The following NTM variants were observed in gnomAD, a reference collection of about 807,000 sequenced individuals.
The protein encoded by NTM is IgLON family member 2.
NTM carries 13 observed loss-of-function variants against 42.1 expected under a neutral mutation model. That is an observed-to-expected ratio of 0.31 (90% CI 0.20 to 0.49). NTM has a LOEUF of 0.49. NTM is among the 20% of genes least tolerant of loss of function. The pLI, the probability that NTM is intolerant of heterozygous loss-of-function variation, is 0.99. For synonymous variants in NTM, 187 were observed against 179.2 expected, an observed-to-expected ratio of 1.04 and a Z score of -0.35; for missense variants, 373 against 452.8, an observed-to-expected ratio of 0.82 and a Z score of 1.60.
At chr11:132,171,026 T>C (rs2076040750) in intron 3 of NTM, among the ~76,000 whole-genome samples, 1 of 152,228 alleles carries the variant, frequency 6.6e-6, no homozygotes, top group Non-Finnish European at 1.5e-5. Context: ...CCAAAAGTTA[T>C]ACATTTTGGG....
intron 1 of NTM, among the ~76,000 whole-genome samples, chr11:131,744,208 A>G (rs1024979908): frequency 7.2e-5 from 11 of 152,232 alleles, no homozygotes; most frequent in African/African-American, 2.4e-4. Flanking sequence ...TAGTGTTTGT[A>G]AAGTACTTTA....
At chr11:131,611,588 T>C (rs935109373) in intron 1 of NTM, among the ~76,000 whole-genome samples, 1 of 152,148 alleles carries the variant, frequency 6.6e-6, no homozygotes, top group African/African-American at 2.4e-5. Flanking sequence ...ACAAAAGATT[T>C]TTAATTCAAA....
At chr11:132,316,937 C>T (rs1395459092) in intron 7 of NTM, among the ~76,000 whole-genome samples, 1 of 152,190 alleles carries the variant, frequency 6.6e-6, no homozygotes, top group South Asian at 2.1e-4. Context: ...GCAGCATGTA[C>T]TTTTTGCGAA....
chr11:131,598,604 C>G (rs1425013385), intron 1 of NTM, among the ~76,000 whole-genome samples: 1 of 152,194 alleles, frequency 6.6e-6, no homozygotes, highest in African/African-American at 2.4e-5. Flanking sequence ...ACTCCACCAC[C>G]TCAAAAGCTG....
intron 4 of NTM, among the ~76,000 whole-genome samples, chr11:132,256,796 C>T (rs1370288751): frequency 6.6e-6 from 1 of 152,158 alleles, no homozygotes; most frequent in Non-Finnish European, 1.5e-5. Flanking sequence ...CACATATGGC[C>T]CCAGCGATTC....
At chr11:132,276,371 G>A (rs923024736) in intron 4 of NTM, among the ~76,000 whole-genome samples, 7 of 152,044 alleles carry the variant, frequency 4.6e-5, no homozygotes, top group Non-Finnish European at 1.0e-4. Context: ...CGGGATTCTT[G>A]GATCATAAAA....
intron 1 of NTM, among the ~76,000 whole-genome samples, chr11:131,832,885 AT>A (rs1252969001): frequency 2.6e-5 from 4 of 152,246 alleles, no homozygotes; most frequent in African/African-American, 9.6e-5. Flanking sequence ...TGATAAGCTA[AT>A]TTTAAAATAT....
intron 2 of NTM, among the ~76,000 whole-genome samples, chr11:132,059,480 C>A (rs2080264389): frequency 1.3e-5 from 2 of 152,188 alleles, no homozygotes; most frequent in Admixed American, 1.3e-4. Context: ...TTGACACATT[C>A]TTTGTATTTT....
chr11:132,146,604 G>A lies in NTM; in HGVS notation c.400+90G>A. On this transcript the variant is annotated intron_variant, in intron 3 of 8. Coordinates refer to ENST00000683400, the MANE Select transcript of NTM (RefSeq NM_001352005.2). This position sits in a 1 kb window ranked among gnomAD's most constrained non-coding sequence, Gnocchi z 4.5. Reference sequence around the variant, plus strand: ...TTGTTCTCTGATCCTCAACAGAGATGAGTTATCCTTATTCTACGCATCTGG... The same window carrying A: ...TTGTTCTCTGATCCTCAACAGAGATAAGTTATCCTTATTCTACGCATCTGG... 1.5e-6 allele frequency: 2 copies of A among 1,349,572 alleles called. No individual in the cohort carries two copies. Among genetic ancestry groups the A allele is most frequent in the Non-Finnish European group, 2.0e-6 (2 of 980,400 alleles). The allele number at this position is 1,349,572 out of a possible 1,614,324, so 83.6% of individuals were successfully genotyped here.
At chr11:131,710,259 C>G (rs1284184193) in intron 1 of NTM, among the ~76,000 whole-genome samples, 1 of 152,190 alleles carries the variant, frequency 6.6e-6, no homozygotes, top group Non-Finnish European at 1.5e-5. Flanking sequence ...TACAAATATT[C>G]TACAATTTCT....
At chr11:132,064,728 A>G (rs1171953630) in intron 2 of NTM, among the ~76,000 whole-genome samples, 1 of 152,162 alleles carries the variant, frequency 6.6e-6, no homozygotes, top group Non-Finnish European at 1.5e-5. Flanking sequence ...TTTGAACCCC[A>G]TGGTTCCAGT....
At chr11:131,397,604 A>G (rs542643089) in intron 1 of NTM, among the ~76,000 whole-genome samples, 1 of 152,324 alleles carries the variant, frequency 6.6e-6, no homozygotes, top group South Asian at 2.1e-4. Flanking sequence ...GTGTCCTATC[A>G]GTTCTCCTGT....
At chr11:131,952,351 A>T (rs2061098366) in intron 2 of NTM, among the ~76,000 whole-genome samples, 1 of 152,214 alleles carries the variant, frequency 6.6e-6, no homozygotes, top group African/African-American at 2.4e-5. Flanking sequence ...ATAGTCATCT[A>T]AATACTTCCT....
intron 1 of NTM, among the ~76,000 whole-genome samples, chr11:131,710,238 T>G (rs2076982697): frequency 6.6e-6 from 1 of 152,214 alleles, no homozygotes; most frequent in Non-Finnish European, 1.5e-5. Flanking sequence ...CCTAGATCAC[T>G]CTTGTCAGCG....
chr11:132,145,004 G>A (rs2070063776), intron 2 of NTM, among the ~76,000 whole-genome samples: 1 of 152,202 alleles, frequency 6.6e-6, no homozygotes, highest in African/African-American at 2.4e-5. Context: ...GAAGAAGCAG[G>A]TGTGTATAGT....
intron 1 of NTM, among the ~76,000 whole-genome samples, chr11:131,845,062 A>C (rs1420794882): frequency 5.9e-5 from 9 of 152,176 alleles, no homozygotes; most frequent in Non-Finnish European, 1.0e-4. Context: ...TATTTTGACT[A>C]TTAAATAGGA....
chr11:132,057,095 A>T (rs2079814468), intron 2 of NTM, among the ~76,000 whole-genome samples: 1 of 152,248 alleles, frequency 6.6e-6, no homozygotes, highest in Admixed American at 6.5e-5. Flanking sequence ...TGAGGCAAAG[A>T]TGGAAATCAT....
At chr11:132,232,222 G>C (rs906784927) in intron 4 of NTM, among the ~76,000 whole-genome samples, 1 of 152,020 alleles carries the variant, frequency 6.6e-6, no homozygotes. Context: ...AAGGAAAGGA[G>C]GTGCTTGCCA....
intron 1 of NTM, among the ~76,000 whole-genome samples, chr11:131,514,119 G>A (rs908533748): frequency 1.3e-5 from 2 of 152,124 alleles, no homozygotes; most frequent in African/African-American, 2.4e-5. Flanking sequence ...TAAGAAAATT[G>A]CCTCTCACAT....
Sources: gnomAD v4.1 joint callset for allele counts (sites outside exome capture counted in the v4.1 genomes callset) on GRCh38, gnomAD v4.1.1 for gene constraint, Gnocchi (gnomAD v3.1) non-coding constraint, MANE v1.5 for transcripts, NCBI Gene and HGNC (gene_info 2026-07-23, HGNC 2026-07-21) for gene names.